Variants in SYT16 observed in about 807,000 individuals in gnomAD.
The protein encoded by SYT16 is synaptotagmin 16.
In SYT16, 42 loss-of-function variants were observed where a neutral mutation model predicts 61.4. That is an observed-to-expected ratio of 0.68 (90% CI 0.53 to 0.89). The LOEUF is 0.89. Ranked by LOEUF, SYT16 falls within the 40% of genes least tolerant of loss-of-function variation. The probability of loss-of-function intolerance (pLI) is 0.00; values close to 1 mark genes in which losing one functional copy is unlikely to be tolerated. For missense variants in SYT16, 804 were observed against 807.3 expected (o/e 1.00, Z 0.05); for synonymous variants, 314 against 302.3 (o/e 1.04, Z -0.40).
chr14:62,000,262 C>G (rs957189837), intron 3 of SYT16, among the ~76,000 whole-genome samples: 1 of 151,414 alleles, frequency 6.6e-6, no homozygotes. Flanking sequence ...TAAGTACGTA[C>G]ATGTATTAGA....
chr14:62,109,957 C>T lies in SYT16; in HGVS notation c.*9250C>T, dbSNP rs1471062801. ...ATTCTGAATGAAAAGATAACCCATG[C>T]TAATGTATATGTTGCATGAACAAGT... On this transcript the variant is annotated 3_prime_UTR_variant, in exon 8 of 8. Transcript: ENST00000683842. 1 of 152,136 alleles carries T rather than the reference C, an allele frequency of 6.6e-6. No individual in the cohort carries two copies. Among genetic ancestry groups the T allele is most frequent in the Non-Finnish European group, 1.5e-5 (1 of 68,012 alleles). The allele number at this position is 152,136 out of a possible 1,614,324, so 9.4% of individuals were successfully genotyped here.
intron 1 of SYT16, among the ~76,000 whole-genome samples, chr14:61,900,336 G>C (rs1003944631): frequency 2.0e-4 from 30 of 152,030 alleles, no homozygotes; most frequent in African/African-American, 6.8e-4. Context: ...TTTTGTATTT[G>C]TAGTAGAGAC....
chr14:61,860,367 G>T (rs528435423), intron 1 of SYT16, among the ~76,000 whole-genome samples: 1 of 152,302 alleles, frequency 6.6e-6, no homozygotes, highest in South Asian at 2.1e-4. Flanking sequence ...AGTAAGAACT[G>T]ATTGTCTTTC....
At chr14:61,902,046 A>G (rs1250463589) in intron 1 of SYT16, among the ~76,000 whole-genome samples, 1 of 152,134 alleles carries the variant, frequency 6.6e-6, no homozygotes, top group Non-Finnish European at 1.5e-5. Flanking sequence ...TATAGGGGTG[A>G]GCCACCGTTC....
intron 3 of SYT16, among the ~76,000 whole-genome samples, chr14:62,010,048 G>A (rs1432483225): frequency 2.0e-5 from 3 of 152,174 alleles, no homozygotes; most frequent in African/African-American, 7.2e-5. Context: ...AATTGCCTCT[G>A]TTGAAATAAT....
At chr14:61,826,171 G>C (rs1265133938) in intron 1 of SYT16, among the ~76,000 whole-genome samples, 1 of 150,856 alleles carries the variant, frequency 6.6e-6, no homozygotes, top group Admixed American at 6.6e-5. Context: ...GTTGGAACCA[G>C]CCCTGGACAG....
At chr14:61,900,416 C>G (rs1027994319) in intron 1 of SYT16, among the ~76,000 whole-genome samples, 2 of 152,146 alleles carry the variant, frequency 1.3e-5, no homozygotes, top group African/African-American at 4.8e-5. Flanking sequence ...CCTCAGCCTT[C>G]CAAAATGTTG....
In SYT16 at chr14:61,996,562, T is replaced by C. The variant is rs2052780434; in HGVS notation, c.523+20T>C. 1 of 1,566,376 alleles carries C rather than the reference T, an allele frequency of 6.4e-7. No homozygotes were observed. The highest frequency in any genetic ancestry group is 8.6e-7 in the Non-Finnish European group (1 of 1,159,278). Reference sequence around the variant, plus strand: ...AGCAAGGTAAGCTAGCCAGTCATCATTTTCTCTGCGTTCCTCCAAAGAGCA... The same window carrying C: ...AGCAAGGTAAGCTAGCCAGTCATCACTTTCTCTGCGTTCCTCCAAAGAGCA... On this transcript the variant is annotated intron_variant, in intron 3 of 7. Transcript: ENST00000683842.
intron 3 of SYT16, among the ~76,000 whole-genome samples, chr14:62,011,201 G>T (rs926646208): frequency 6.6e-6 from 1 of 152,118 alleles, no homozygotes; most frequent in Admixed American, 6.6e-5. Flanking sequence ...AGTAAATCTG[G>T]TTTCATGGGG....
chr14:61,906,011 T>C lies in SYT16; in HGVS notation c.-324-64121T>C, dbSNP rs547941249. ...ACCTCGTGATCCGCCTGCCTTGGCC[T>C]TCCAAAGTGCTGGGATTACAGGTGT... is the stretch of plus-strand genomic sequence containing the variant. On this transcript the variant is annotated intron_variant, in intron 1 of 7. Coordinates refer to ENST00000683842, the MANE Select transcript of SYT16 (RefSeq NM_001367656.1). 2.0e-5 allele frequency among the ~76,000 whole-genome samples: 3 copies of C among 152,320 alleles called. No individual in the cohort carries two copies. In the East Asian group the frequency reaches 5.8e-4, roughly 29 times the overall value.
At chr14:61,995,294 A>G (rs2052718982) in intron 2 of SYT16, among the ~76,000 whole-genome samples, 2 of 152,094 alleles carry the variant, frequency 1.3e-5, no homozygotes, top group Admixed American at 1.3e-4. Flanking sequence ...TTCCAGGGAC[A>G]TGTCTTCAGT....
At chr14:61,820,472 T>TG (rs2045580642) in intron 1 of SYT16, among the ~76,000 whole-genome samples, 2 of 115,102 alleles carry the variant, frequency 1.7e-5, no homozygotes, top group Admixed American at 8.6e-5. Flanking sequence ...CTTCAGAGTT[T>TG]TTTTTTTTTT....
chr14:61,858,828 A>G (rs1053794388), intron 1 of SYT16, among the ~76,000 whole-genome samples: 1 of 151,786 alleles, frequency 6.6e-6, no homozygotes, highest in Admixed American at 6.6e-5. Context: ...AGCAGCCCCA[A>G]ATCATTTTCT....
intron 3 of SYT16, among the ~76,000 whole-genome samples, chr14:62,048,303 C>A (rs868636969): frequency 6.6e-6 from 1 of 152,158 alleles, no homozygotes; most frequent in Non-Finnish European, 1.5e-5. Flanking sequence ...TTTTGTATTT[C>A]TGTGGGATCA....
chr14:62,049,985 A>G (rs1035514392), intron 3 of SYT16, among the ~76,000 whole-genome samples: 4 of 152,080 alleles, frequency 2.6e-5, no homozygotes, highest in African/African-American at 4.8e-5. Context: ...TCTTTGTGGC[A>G]TTCTCTGTAT....
chr14:62,047,204 G>C (rs570073115), intron 3 of SYT16, among the ~76,000 whole-genome samples: 1 of 152,242 alleles, frequency 6.6e-6, no homozygotes, highest in South Asian at 2.1e-4. Flanking sequence ...CTTGCAAGTT[G>C]GATTCCTAAG....
chr14:61,909,582 T>C (rs1399775008), intron 1 of SYT16, among the ~76,000 whole-genome samples: 1 of 152,234 alleles, frequency 6.6e-6, no homozygotes, highest in South Asian at 2.1e-4. Context: ...TGGGACTCAT[T>C]GGGACAATGT....
chr14:62,027,182 G>A (rs183484515), intron 3 of SYT16, among the ~76,000 whole-genome samples: 46 of 152,236 alleles, frequency 3.0e-4, no homozygotes, highest in Middle Eastern at 3.4e-3. Context: ...TTCCCTGAGA[G>A]CTTCTTACTT....
At chr14:62,041,173 T>G (rs1438492821) in intron 3 of SYT16, among the ~76,000 whole-genome samples, 1 of 152,174 alleles carries the variant, frequency 6.6e-6, no homozygotes, top group Non-Finnish European at 1.5e-5. Context: ...GATTAGATTG[T>G]GCCCACCCAG....
Sources: allele counts gnomAD v4.1 joint callset (sites outside exome capture counted in the v4.1 genomes callset), GRCh38; gene constraint gnomAD v4.1.1; transcripts MANE v1.5; gene names NCBI Gene and HGNC (gene_info 2026-07-23, HGNC 2026-07-21).